Variants in LGALS3 observed in about 807,000 individuals in gnomAD.
LGALS3 encodes galectin 3.
LGALS3 carries 18 observed loss-of-function variants against 20.7 expected under a neutral mutation model. That is an observed-to-expected ratio of 0.87 (90% CI 0.60 to 1.29). The LOEUF (loss-of-function observed/expected upper bound fraction) is 1.29, where lower values mean the gene tolerates loss of function less well. Among genes scored for constraint, LGALS3 ranks in the 50% most tolerant of loss-of-function variants. The pLI, the probability that LGALS3 is intolerant of heterozygous loss-of-function variation, is 0.00. For synonymous variants in LGALS3, 112 were observed against 119.6 expected (o/e 0.94, Z 0.42); for missense variants, 315 against 314.7 (o/e 1.00, Z -0.01).
chr14:55,143,807 A>C (rs1232507507), intron 5 of LGALS3: 2 of 151,746 alleles, frequency 1.3e-5, no homozygotes, highest in African/African-American at 2.4e-5. Flanking sequence ...TCCAACCTGG[A>C]AAGATTTTAC....
Position 55,145,383 on chromosome 14 carries a change from T to A in LGALS3, c.*112T>A, listed in dbSNP as rs760439090. 6.5e-7 allele frequency: 1 copy of A among 1,540,356 alleles called. No individual in the cohort carries two copies. The highest frequency in any genetic ancestry group is 8.8e-7 in the Non-Finnish European group (1 of 1,140,604). On this transcript the variant is annotated 3_prime_UTR_variant, in exon 6 of 6. Coordinates refer to ENST00000254301, the MANE Select transcript of LGALS3 (RefSeq NM_002306.4). Reference sequence around the variant, plus strand: ...CATTCATCAATATCCCTCTTGTAAGTCATCTACTTAATAAATATTACAGTG... The same window carrying A: ...CATTCATCAATATCCCTCTTGTAAGACATCTACTTAATAAATATTACAGTG...
At chr14:55,142,302 T>C (rs1298765096) in intron 4 of LGALS3, among the ~76,000 whole-genome samples, 5 of 152,166 alleles carry the variant, frequency 3.3e-5, no homozygotes, top group Non-Finnish European at 7.4e-5. Flanking sequence ...CATGAGTCTG[T>C]AGGGGCATTA....
rs1472079566 is a variant in LGALS3, at chr14:55,143,081, A to C, written c.597+332A>C. ...ATACTGCGACTTTGTTGCTTAAAAC[A>C]CAGTTGGCAGAGAGATGAAAACTAA... On this transcript the variant is annotated intron_variant, in intron 5 of 5. Coordinates refer to ENST00000254301, the MANE Select transcript of LGALS3 (RefSeq NM_002306.4). Among the ~76,000 whole-genome samples the C allele has an allele frequency of 2.6e-5, 4 of 152,356 alleles. No homozygotes were observed. The East Asian group carries it at 5.8e-4, about 22-fold the overall frequency.
intron 1 of LGALS3, among the ~76,000 whole-genome samples, chr14:55,132,370 A>G (rs906001055): frequency 6.6e-6 from 1 of 151,750 alleles, no homozygotes; most frequent in Non-Finnish European, 1.5e-5. Context: ...TGGGGTTCAC[A>G]TATCTATAGT....
At chr14:55,137,511 C>T in intron 2 of LGALS3, 120 bp downstream of exon 2, 1 of 1,601,120 alleles carries the variant, frequency 6.2e-7, no homozygotes, top group Non-Finnish European at 8.5e-7. Flanking sequence ...CCCCTGGACT[C>T]ATTTGTCCAA....
At chr14:55,135,229 G>A (rs1881350598) in intron 1 of LGALS3, among the ~76,000 whole-genome samples, 1 of 152,074 alleles carries the variant, frequency 6.6e-6, no homozygotes, top group African/African-American at 2.4e-5. Flanking sequence ...TAGCAGTATA[G>A]TAAAGGATGA....
At chr14:55,143,788 T>C (rs969501031) in intron 5 of LGALS3, 2 of 152,108 alleles carry the variant, frequency 1.3e-5, no homozygotes, top group Non-Finnish European at 2.9e-5. Flanking sequence ...ATTTACAGAA[T>C]AGAAACACTC....
At chr14:55,144,522 T>G (rs892110703) in intron 5 of LGALS3, among the ~76,000 whole-genome samples, 1 of 127,348 alleles carries the variant, frequency 7.9e-6, no homozygotes, top group African/African-American at 2.9e-5. Flanking sequence ...ATAAATTTGC[T>G]GCTTTAAAAA....
At chr14:55,131,543 C>T (rs1881231867) in intron 1 of LGALS3, among the ~76,000 whole-genome samples, 1 of 152,210 alleles carries the variant, frequency 6.6e-6, no homozygotes, top group South Asian at 2.1e-4. Flanking sequence ...CTTGTGGTAA[C>T]TGATCTCAAA....
Position 55,137,684 on chromosome 14 carries a change from C to T in LGALS3, c.18+293C>T, listed in dbSNP as rs186115963. Reference sequence around the variant, plus strand: ...AGGAGCTGAGAAATCCTCTGAGTAGCGGGAAGTGCGGTACAGTCTGGGCAT... The same window carrying T: ...AGGAGCTGAGAAATCCTCTGAGTAGTGGGAAGTGCGGTACAGTCTGGGCAT... On this transcript the variant is annotated intron_variant, in intron 2 of 5. Transcript: ENST00000254301. The T allele has an allele frequency of 2.2e-4, 303 of 1,402,668 alleles. No individual in the cohort carries two copies. The African/African-American group carries it at 4.0e-3, about 18-fold the overall frequency. The allele number at this position is 1,402,668 out of a possible 1,614,324, so 86.9% of individuals were successfully genotyped here. A position where few individuals can be genotyped will look rare whatever the true frequency, so the allele number is the denominator to read the frequency against.
intron 1 of LGALS3, among the ~76,000 whole-genome samples, chr14:55,133,928 A>G (rs1594649837): frequency 6.6e-6 from 1 of 152,240 alleles, no homozygotes; most frequent in Non-Finnish European, 1.5e-5. Flanking sequence ...GCTAGTTTTA[A>G]CAATTGAAAC....
In LGALS3 at chr14:55,138,152, TG is replaced by T. The variant is rs1334545789; in HGVS notation, c.130del (p.Ala44ProfsTer71). The T allele has an allele frequency of 6.3e-7, 1 of 1,597,236 alleles. No individual in the cohort carries two copies. Among genetic ancestry groups the T allele is most frequent in the Non-Finnish European group, 8.5e-7 (1 of 1,173,960 alleles). On this transcript the variant is annotated frameshift_variant, in exon 3 of 6. Coordinates refer to ENST00000254301, the MANE Select transcript of LGALS3 (RefSeq NM_002306.4). LOFTEE classifies it high-confidence loss of function. The stretch of plus-strand genomic sequence containing the variant: ...GGGGCTACCCAGGGGCTTCCTATCC[TG>T]GGGCCTACCCCGGGCAGGCACCCCC... ...AGGYPGASYP[G>X]AYPGQAPPGA... is the part of the protein sequence containing the mutation.
chr14:55,137,377 G>A lies in LGALS3; in HGVS notation c.4G>A (p.Ala2Thr), dbSNP rs1881434572. 1.9e-6 allele frequency: 3 copies of A among 1,614,014 alleles called. No homozygotes were observed. The highest frequency in any genetic ancestry group is 2.5e-6 in the Non-Finnish European group (3 of 1,179,872). ...AATCTTTGTTTCTTTCAGGAAAATG[G>A]CAGACAATTTTTCGGTAAGTGTTTT... Reference protein sequence around the residue: MADNFSLHDALS... With the variant: MTDNFSLHDALS... Residue 2 changes from alanine (A) to threonine (T), a missense_variant, in exon 2 of 6, where the codon GCA becomes ACA. Ala to Thr is a moderately conservative substitution (Grantham distance 58, BLOSUM62 0). Coordinates refer to ENST00000254301, the MANE Select transcript of LGALS3 (RefSeq NM_002306.4).
At chr14:55,136,978 T>A (rs79565299) in intron 1 of LGALS3, among the ~76,000 whole-genome samples, 1,700 of 152,250 alleles carry the variant, frequency 0.011, 34 homozygotes, top group African/African-American at 0.039. Context: ...GGAGCAGGCA[T>A]AAGTGTGTGC....
chr14:55,132,293 AT>A (rs756971393), intron 1 of LGALS3, among the ~76,000 whole-genome samples: 3 of 151,288 alleles, frequency 2.0e-5, no homozygotes, highest in African/African-American at 7.3e-5. Flanking sequence ...CTTTTAGTTT[AT>A]TTTTTGAAGT....
chr14:55,145,343 G>T lies in LGALS3; in HGVS notation c.*72G>T. The stretch of plus-strand genomic sequence containing the variant: ...TGTGTAAAGGTTTCATGTTCACTGT[G>T]AGTGAAAATTTTTACATTCATCAAT... On this transcript the variant is annotated 3_prime_UTR_variant, in exon 6 of 6. Coordinates refer to ENST00000254301, the MANE Select transcript of LGALS3 (RefSeq NM_002306.4). 1 of 1,598,046 alleles carries T rather than the reference G, an allele frequency of 6.3e-7. No individual in the cohort carries two copies. Among genetic ancestry groups the T allele is most frequent in the Non-Finnish European group, 8.5e-7 (1 of 1,174,240 alleles).
intron 1 of LGALS3, among the ~76,000 whole-genome samples, chr14:55,133,620 C>T (rs754659514): frequency 2.0e-5 from 3 of 152,022 alleles, no homozygotes; most frequent in African/African-American, 4.8e-5. Flanking sequence ...AGCTGAAAAG[C>T]GCCACACAAA....
Position 55,137,633 on chromosome 14 carries a change from G to A in LGALS3, c.18+242G>A, listed in dbSNP as rs577310153. On this transcript the variant is annotated intron_variant, in intron 2 of 5. Transcript: ENST00000254301. ...GTAACCCTTTCACCAAAAGGCCCAG[G>A]GCGGAAGGGAGTGGACTCTGCCGGC... The A allele has an allele frequency of 3.1e-5, 44 of 1,436,862 alleles. 1 individual carries two copies. The South Asian group carries it at 6.6e-4, about 22-fold the overall frequency. 89.0% of individuals were successfully genotyped at this position (1,436,862 alleles called of 1,614,324 possible). A position where few individuals can be genotyped will look rare whatever the true frequency, so the allele number is the denominator to read the frequency against.
chr14:55,138,980 GGAT>G (rs1287370382), intron 3 of LGALS3, among the ~76,000 whole-genome samples: 2 of 152,118 alleles, frequency 1.3e-5, no homozygotes, highest in African/African-American at 4.8e-5. Flanking sequence ...TAATCTAGTT[GGAT>G]GATAAAACAT....
Sources: gnomAD v4.1 joint callset for allele counts (sites outside exome capture counted in the v4.1 genomes callset) on GRCh38, gnomAD v4.1.1 for gene constraint, MANE v1.5 for transcripts, NCBI Gene and HGNC (gene_info 2026-07-23, HGNC 2026-07-21) for gene names.